Variants in EQTN observed in about 807,000 individuals in gnomAD.
EQTN encodes equatorin.
EQTN carries 29 observed loss-of-function variants against 26.9 expected under a neutral mutation model. The observed-to-expected ratio is 1.08, with a 90% CI of 0.80 to 1.47. The LOEUF is 1.47. Among genes scored for constraint, EQTN ranks in the 40% most tolerant of loss-of-function variants. EQTN has a pLI of 0.00. For synonymous variants in EQTN, 129 were observed against 120.0 expected, an observed-to-expected ratio of 1.07 and a Z score of -0.49; for missense variants, 391 against 346.1, an observed-to-expected ratio of 1.13 and a Z score of -1.03.
chr9:27,296,831 G>C, intron 1 of EQTN, 93 bp from the exon 2 acceptor site: 1 of 1,567,524 alleles, frequency 6.4e-7, no homozygotes, highest in Non-Finnish European at 8.6e-7. Context: ...CAAAGGATTA[G>C]AGGCAGAGAT....
At chr9:27,291,820 G>A (rs1307397403) in intron 4 of EQTN, among the ~76,000 whole-genome samples, 3 of 152,056 alleles carry the variant, frequency 2.0e-5, no homozygotes, top group East Asian at 1.9e-4. Context: ...TTCATGTAAC[G>A]ACACGTAAGT....
At chr9:27,286,593 C>T (rs1453050720) in intron 6 of EQTN, among the ~76,000 whole-genome samples, 2 of 152,210 alleles carry the variant, frequency 1.3e-5, no homozygotes, top group South Asian at 2.1e-4. Flanking sequence ...TCCTTAGCTC[C>T]ATTTTACAGT....
intron 3 of EQTN, 129 bp downstream of exon 3, chr9:27,294,187 A>G (rs1400320170): frequency 3.6e-6 from 2 of 558,884 alleles, no homozygotes. Flanking sequence ...CACAGAATCT[A>G]CTTTAGAGGG....
Position 27,292,436 on chromosome 9 carries a change from G to A in EQTN, c.341C>T (p.Thr114Ile). The change falls in exon 4 of 8, where the codon ACA becomes ATA. Residue 114 changes from threonine to isoleucine, a missense_variant. Coordinates refer to ENST00000380032, the MANE Select transcript of EQTN (RefSeq NM_020641.3). Reference protein sequence around the residue: ...TYEKSTIEEETTTSEPSHKNI... With the variant: ...TYEKSTIEEEITTSEPSHKNI... Reference sequence around the variant, plus strand: ...TTTATGAGAGGGTTCGCTAGTAGTTGTTTCTTCTTCAATGGTGGATTTTTC... The same window carrying A: ...TTTATGAGAGGGTTCGCTAGTAGTTATTTCTTCTTCAATGGTGGATTTTTC... The A allele has an allele frequency of 6.2e-7, 1 of 1,608,628 alleles. No homozygotes were observed. The highest frequency in any genetic ancestry group is 8.5e-7 in the Non-Finnish European group (1 of 1,177,056).
chr9:27,292,106 A>T (rs1051774560), intron 4 of EQTN: 18 of 171,608 alleles, frequency 1.0e-4, no homozygotes, highest in Non-Finnish European at 2.0e-4. Flanking sequence ...ACATATATTT[A>T]TAAATATATA....
At position 27,284,863 on chromosome 9, in the gene EQTN, T is replaced by C; in HGVS notation, c.745A>G (p.Ser249Gly). The C allele has an allele frequency of 6.2e-7, 1 of 1,614,130 alleles. No individual in the cohort carries two copies. Residue 249 changes from serine (S) to glycine (G), a missense_variant, in exon 8 of 8, where the codon AGC becomes GGC. By Grantham distance (56) the Ser-to-Gly change is moderately conservative. Coordinates refer to ENST00000380032, the MANE Select transcript of EQTN (RefSeq NM_020641.3). ...SDTSFSKSAE[S>G]STFLGTTSSD... ...GAAGTGGTACCCAAAAATGTGCTGC[T>C]CTCTGCACTCTTGGAAAAGGATGTA...
intron 7 of EQTN, among the ~76,000 whole-genome samples, chr9:27,285,949 GA>G (rs1474737776): frequency 6.6e-6 from 1 of 152,142 alleles, no homozygotes; most frequent in East Asian, 1.9e-4. Flanking sequence ...ATATAAAAAA[GA>G]GCATATCTAG....
chr9:27,289,768 C>T (rs1820193995), intron 5 of EQTN, 37 bp from the exon 6 acceptor site: 3 of 1,550,908 alleles, frequency 1.9e-6, no homozygotes, highest in African/African-American at 1.4e-5. Flanking sequence ...AAACAACGTT[C>T]ACTTACTAAA....
chr9:27,286,443 G>C (rs1820125773), intron 6 of EQTN, 81 bp from the exon 7 acceptor site: 2 of 1,382,076 alleles, frequency 1.4e-6, no homozygotes, highest in South Asian at 2.7e-5. Context: ...AGCAAATACA[G>C]AGAAGCAAGC....
At chr9:27,291,263 T>C (rs2383725) in intron 4 of EQTN, among the ~76,000 whole-genome samples, 200 bp from the exon 5 acceptor site, 78,379 of 152,006 alleles carry the variant, frequency 0.52, 21,168 homozygotes, top group Non-Finnish European at 0.6. Flanking sequence ...CACCTTAATT[T>C]TGGCTGCAGA....
intron 5 of EQTN, among the ~76,000 whole-genome samples, 168 bp downstream of exon 5, chr9:27,290,851 G>C (rs1332642769): frequency 2.0e-5 from 3 of 152,202 alleles, no homozygotes; most frequent in Non-Finnish European, 1.5e-5. Context: ...CAGAAAATGT[G>C]TGACACTTTA....
intron 6 of EQTN, among the ~76,000 whole-genome samples, chr9:27,287,867 A>G (rs1312914704): frequency 1.3e-5 from 2 of 152,132 alleles, no homozygotes; most frequent in Non-Finnish European, 2.9e-5. Flanking sequence ...GCAGTGGCAC[A>G]ATCTTAGCTC....
At position 27,285,219 on chromosome 9, in the gene EQTN, C is replaced by T. The variant is rs190739777; in HGVS notation, c.636-247G>A. On this transcript the variant is annotated intron_variant, in intron 7 of 7. Transcript: ENST00000380032. ...AGTGCAGTGGCGCAATCTCGGCTCA[C>T]TGCAACCTCCGCCTCCCAGGGGCAC... is the stretch of plus-strand genomic sequence containing the variant. Among the ~76,000 whole-genome samples, 323 of 134,030 alleles carry T rather than the reference C, an allele frequency of 2.4e-3. 2 individuals are homozygous for T. Among genetic ancestry groups the T allele is most frequent in the African/African-American group, 8.5e-3 (306 of 36,198 alleles). 87.9% of individuals were successfully genotyped at this position (134,030 alleles called of 152,430 possible).
intron 2 of EQTN, among the ~76,000 whole-genome samples, chr9:27,295,226 A>G (rs1820311784): frequency 6.6e-6 from 1 of 152,224 alleles, no homozygotes; most frequent in South Asian, 2.1e-4. Flanking sequence ...GGTACCATTA[A>G]TATTTCATCG....
In EQTN at chr9:27,284,882, G is replaced by C. The variant is rs1003588797; in HGVS notation, c.726C>G (p.Ser242=). Residue 242 remains serine (S), a synonymous_variant, in exon 8 of 8, where the codon TCC becomes TCG. Transcript: ENST00000380032. ...TGCTGCTCTCTGCACTCTTGGAAAA[G>C]GATGTATCTGAAACACCTTCTGATG... is the stretch of plus-strand genomic sequence containing the variant. ...FHPSEGVSDT[S]FSKSAESSTF... 1.9e-6 allele frequency: 3 copies of C among 1,613,960 alleles called. No homozygotes were observed. The African/African-American group carries it at 4.0e-5, about 22-fold the overall frequency.
At chr9:27,293,127 G>T (rs1249830513) in intron 3 of EQTN, among the ~76,000 whole-genome samples, 1 of 152,106 alleles carries the variant, frequency 6.6e-6, no homozygotes, top group Non-Finnish European at 1.5e-5. Context: ...GTTCCATACG[G>T]AGTACAGGGC....
At chr9:27,285,136 T>A (rs1820094109) in intron 7 of EQTN, among the ~76,000 whole-genome samples, 164 bp from the exon 8 acceptor site, 1 of 41,554 alleles carries the variant, frequency 2.4e-5, no homozygotes, top group African/African-American at 1.4e-4. Context: ...TCTTTTCCTT[T>A]TTTTTTTTTT....
intron 3 of EQTN, among the ~76,000 whole-genome samples, chr9:27,293,471 G>T (rs1007874336): frequency 6.6e-6 from 1 of 152,164 alleles, no homozygotes. Context: ...TCCCTACCAT[G>T]CCAGCAGGTC....
In EQTN at chr9:27,289,741, C is replaced by G; in HGVS notation, c.422-10G>C. Reference sequence around the variant, plus strand: ...GCTGTTCCATTTATAGCTGTTAAAACAAATTGGGGTTATGGTAAACAACGT... The same window carrying G: ...GCTGTTCCATTTATAGCTGTTAAAAGAAATTGGGGTTATGGTAAACAACGT... On this transcript the variant is annotated splice_polypyrimidine_tract_variant and intron_variant, in intron 5 of 7. Coordinates refer to ENST00000380032, the MANE Select transcript of EQTN (RefSeq NM_020641.3). 1 of 1,597,952 alleles carries G rather than the reference C, an allele frequency of 6.3e-7. No individual in the cohort carries two copies. Among genetic ancestry groups the G allele is most frequent in the Non-Finnish European group, 8.5e-7 (1 of 1,170,736 alleles).
Sources: gnomAD v4.1 joint callset for allele counts (sites outside exome capture counted in the v4.1 genomes callset) on GRCh38, gnomAD v4.1.1 for gene constraint, MANE v1.5 for transcripts, NCBI Gene and HGNC (gene_info 2026-07-23, HGNC 2026-07-21) for gene names.